The following SMCHD1 variants were observed in gnomAD, a reference collection of about 807,000 sequenced individuals.
SMCHD1 encodes the protein structural maintenance of chromosomes flexible hinge domain containing 1.
SMCHD1 carries 78 observed loss-of-function variants against 254.7 expected under a neutral mutation model. The ratio of observed to expected loss-of-function variants is 0.31; its 90% confidence interval spans 0.26 to 0.37. The LOEUF (loss-of-function observed/expected upper bound fraction) is 0.37. SMCHD1 is among the 10% of genes least tolerant of loss of function. The probability of loss-of-function intolerance (pLI) is 1.00; values close to 1 mark genes in which losing one functional copy is unlikely to be tolerated. For missense variants in SMCHD1, 1,840 were observed against 2,408.1 expected, an observed-to-expected ratio of 0.76 and a Z score of 4.94; for synonymous variants, 766 against 794.9, an observed-to-expected ratio of 0.96 and a Z score of 0.61.
chr18:2,795,046 T>TTTG (rs2076235744), intron 45 of SMCHD1, among the ~76,000 whole-genome samples: 2 of 151,574 alleles, frequency 1.3e-5, no homozygotes, highest in Non-Finnish European at 2.9e-5. Flanking sequence ...TGGGTTTTTT[T>TTTG]TTTGTTTTGT....
chr18:2,719,969 G>A (rs1020404784), intron 19 of SMCHD1, among the ~76,000 whole-genome samples: 4 of 149,678 alleles, frequency 2.7e-5, no homozygotes, highest in South Asian at 2.2e-4. Flanking sequence ...GCCACCGCAC[G>A]TGGCCCTGTC....
At chr18:2,770,813 G>A (rs1313028985) in intron 39 of SMCHD1, among the ~76,000 whole-genome samples, 1 of 152,000 alleles carries the variant, frequency 6.6e-6, no homozygotes, top group East Asian at 1.9e-4. Context: ...TAGAGACGGG[G>A]TTTCACCATG....
intron 24 of SMCHD1, among the ~76,000 whole-genome samples, chr18:2,730,859 A>AT (rs2075125516): frequency 1.3e-5 from 2 of 152,196 alleles, no homozygotes; most frequent in Non-Finnish European, 2.9e-5. Flanking sequence ...AGCTTAAAGT[A>AT]TTTTTTATGC....
chr18:2,688,320 T>C (rs1202198338), intron 5 of SMCHD1, 74 bp from the exon 6 acceptor site: 9 of 1,008,190 alleles, frequency 8.9e-6, no homozygotes, highest in Non-Finnish European at 1.4e-5. Context: ...TAACACTGAA[T>C]ACAAGTGCAA....
At chr18:2,692,303 G>A (rs913306973) in intron 7 of SMCHD1, among the ~76,000 whole-genome samples, 1 of 152,156 alleles carries the variant, frequency 6.6e-6, no homozygotes, top group African/African-American at 2.4e-5. Flanking sequence ...AATCCTAGCA[G>A]TTTGGGAGGC....
At chr18:2,755,280 CTT>C (rs2075651490) in intron 34 of SMCHD1, among the ~76,000 whole-genome samples, 2 of 152,074 alleles carry the variant, frequency 1.3e-5, no homozygotes, top group South Asian at 4.1e-4. Context: ...GTCTTAAACT[CTT>C]GGGCCTTAGC....
At chr18:2,751,249 A>T (rs1404484466) in intron 32 of SMCHD1, 29 bp from the exon 33 acceptor site, 8 of 1,249,918 alleles carry the variant, frequency 6.4e-6, no homozygotes, top group Non-Finnish European at 9.1e-6. Flanking sequence ...AACTAGAAAG[A>T]GATAATTTTT....
At chr18:2,705,037 G>A (rs989117830) in intron 13 of SMCHD1, among the ~76,000 whole-genome samples, 1 of 152,146 alleles carries the variant, frequency 6.6e-6, no homozygotes, top group African/African-American at 2.4e-5. Context: ...TAGTGGTAAT[G>A]GAGTAAAGTG....
intron 3 of SMCHD1, among the ~76,000 whole-genome samples, chr18:2,669,629 A>G (rs2073540713): frequency 6.6e-6 from 1 of 152,204 alleles, no homozygotes; most frequent in Non-Finnish European, 1.5e-5. Flanking sequence ...TCTAAATAAC[A>G]TCATTACAGA....
intron 5 of SMCHD1, among the ~76,000 whole-genome samples, chr18:2,676,445 A>G (rs1182289871): frequency 6.6e-6 from 1 of 152,156 alleles, no homozygotes; most frequent in African/African-American, 2.4e-5. Context: ...CCAAATAAAG[A>G]TCTGTGAGAA....
At chr18:2,663,937 G>A (rs1216834755) in intron 1 of SMCHD1, among the ~76,000 whole-genome samples, 4 of 151,920 alleles carry the variant, frequency 2.6e-5, no homozygotes, top group Admixed American at 2.0e-4. Flanking sequence ...GGATGGTCTC[G>A]ATCTCCTGCC....
chr18:2,723,183 T>C (rs938187266), intron 20 of SMCHD1, among the ~76,000 whole-genome samples: 4 of 152,250 alleles, frequency 2.6e-5, no homozygotes, highest in Non-Finnish European at 5.9e-5. Flanking sequence ...TGCTGTGAGT[T>C]CTTTCTGGTT....
chr18:2,760,031 G>A (rs939716348), intron 34 of SMCHD1, among the ~76,000 whole-genome samples: 11 of 152,198 alleles, frequency 7.2e-5, no homozygotes, highest in Admixed American at 1.3e-4. Flanking sequence ...GCATTGAGCC[G>A]GTATTTTGAG....
chr18:2,657,380 C>G (rs1393654631), intron 1 of SMCHD1, among the ~76,000 whole-genome samples: 1 of 152,230 alleles, frequency 6.6e-6, no homozygotes, highest in Non-Finnish European at 1.5e-5. Flanking sequence ...CAAGTTAATT[C>G]TGTGCCTGAA....
At chr18:2,802,052 T>C (rs929072169) in intron 47 of SMCHD1, among the ~76,000 whole-genome samples, 3 of 152,156 alleles carry the variant, frequency 2.0e-5, no homozygotes, top group African/African-American at 7.2e-5. Flanking sequence ...TATTTACATA[T>C]ACCTGAATTT....
At chr18:2,793,824 G>A (rs898055827) in intron 45 of SMCHD1, among the ~76,000 whole-genome samples, 2 of 152,092 alleles carry the variant, frequency 1.3e-5, no homozygotes, top group African/African-American at 4.8e-5. Context: ...ACACAGATGT[G>A]TATATGTAAT....
chr18:2,771,889 T>C (rs1274502475), intron 40 of SMCHD1, among the ~76,000 whole-genome samples: 1 of 152,192 alleles, frequency 6.6e-6, no homozygotes, highest in Admixed American at 6.5e-5. Flanking sequence ...GCATAACCAC[T>C]ACACGTGATG....
At chr18:2,691,712 A>G (rs2074184340) in intron 7 of SMCHD1, 1 of 152,246 alleles carries the variant, frequency 6.6e-6, no homozygotes, top group African/African-American at 2.4e-5. Context: ...ATTATGGGCT[A>G]AGCCTTCTAG....
At chr18:2,707,225 A>C (rs1410973967) in intron 15 of SMCHD1, among the ~76,000 whole-genome samples, 8 of 152,004 alleles carry the variant, frequency 5.3e-5, no homozygotes, top group Admixed American at 3.3e-4. Flanking sequence ...TGATGCAATC[A>C]TTTTGATTCT....
Sources: gnomAD v4.1 joint callset for allele counts (sites outside exome capture counted in the v4.1 genomes callset) on GRCh38, gnomAD v4.1.1 for gene constraint, MANE v1.5 for transcripts, NCBI Gene and HGNC (gene_info 2026-07-23, HGNC 2026-07-21) for gene names.